Variants in TMCC1 observed in about 807,000 individuals in gnomAD.
TMCC1 encodes the protein transmembrane and coiled-coil domain family 1.
Under a neutral mutation model 52.4 loss-of-function variants are expected in TMCC1, and 15 were observed. The observed-to-expected ratio is 0.29, with a 90% CI of 0.19 to 0.44. The LOEUF (loss-of-function observed/expected upper bound fraction) is 0.44, where lower values mean the gene tolerates loss of function less well. Ranked by LOEUF, TMCC1 falls within the 20% of genes least tolerant of loss-of-function variation. TMCC1 has a pLI of 1.00. For synonymous variants in TMCC1, 279 were observed against 301.9 expected, an observed-to-expected ratio of 0.92 and a Z score of 0.79; for missense variants, 503 against 806.0, an observed-to-expected ratio of 0.62 and a Z score of 4.55.
In TMCC1 at chr3:129,872,916, A is replaced by AT. The variant is rs1359318304; in HGVS notation, c.-184+7392dup. 6.0e-3 allele frequency among the ~76,000 whole-genome samples: 863 copies of AT among 143,754 alleles called. 5 individuals are homozygous for AT. The highest frequency in any genetic ancestry group is 0.015 in the African/African-American group (605 of 39,370). The allele number at this position is 143,754 out of a possible 152,430, so 94.3% of individuals were successfully genotyped here. ...GATATATATTTTGTCTACGCATGGAATTTTTTTTTTTTTTTTTGAGATCCG... is the reference window on the plus strand; with the variant it reads ...GATATATATTTTGTCTACGCATGGAATTTTTTTTTTTTTTTTTTGAGATCCG... On this transcript the variant is annotated intron_variant, in intron 2 of 6. Transcript: ENST00000393238.
At chr3:129,769,074 A>T (rs891513729) in intron 4 of TMCC1, among the ~76,000 whole-genome samples, 2 of 152,202 alleles carry the variant, frequency 1.3e-5, no homozygotes, top group African/African-American at 4.8e-5. Context: ...GAGTAACAGG[A>T]ACTTTATAAT....
At chr3:129,661,105 C>T (rs2108861846) in intron 5 of TMCC1, among the ~76,000 whole-genome samples, 1 of 152,302 alleles carries the variant, frequency 6.6e-6, no homozygotes, top group South Asian at 2.1e-4. Context: ...GCTGAGTCTT[C>T]CCAAATAAGA....
At position 129,786,334 on chromosome 3, in the gene TMCC1, T is replaced by C. The variant is rs534102084; in HGVS notation, c.576+41469A>G. ...TAGTGATGTTGCTCCCTTCCTGCAA[T>C]ATTTTCCTCCTGTCCTTCATCTATT... is the stretch of plus-strand genomic sequence containing the variant. On this transcript the variant is annotated intron_variant, in intron 4 of 6. Transcript: ENST00000393238. 1.4e-4 allele frequency among the ~76,000 whole-genome samples: 21 copies of C among 152,280 alleles called. 1 individual carries two copies. The East Asian group carries it at 3.1e-3, about 22-fold the overall frequency.
chr3:129,701,253 A>T (rs1304096312), intron 4 of TMCC1, among the ~76,000 whole-genome samples: 1 of 152,244 alleles, frequency 6.6e-6, no homozygotes, highest in Non-Finnish European at 1.5e-5. Context: ...CTGAAAACAG[A>T]GAACAGATCT....
intron 6 of TMCC1, 50 bp downstream of exon 6, chr3:129,654,918 C>T (rs745672899): frequency 1.9e-6 from 3 of 1,573,672 alleles, no homozygotes; most frequent in South Asian, 1.2e-5. Context: ...TTCCTTTTTT[C>T]TTTCTAACCC....
intron 4 of TMCC1, among the ~76,000 whole-genome samples, chr3:129,819,365 G>C (rs983566830): frequency 4.6e-5 from 7 of 152,208 alleles, no homozygotes; most frequent in African/African-American, 1.7e-4. Flanking sequence ...TTACAGGTGT[G>C]AAGGGTTCTC....
At chr3:129,858,886 T>C (rs935842633) in intron 2 of TMCC1, among the ~76,000 whole-genome samples, 2 of 152,192 alleles carry the variant, frequency 1.3e-5, no homozygotes, top group Non-Finnish European at 2.9e-5. Context: ...TAGGCATAGG[T>C]CAAATTTAAG....
At chr3:129,667,266 T>A (rs1017046270) in intron 5 of TMCC1, among the ~76,000 whole-genome samples, 3 of 151,752 alleles carry the variant, frequency 2.0e-5, no homozygotes, top group Non-Finnish European at 4.4e-5. Flanking sequence ...TAGAAAAATT[T>A]TATTTATGTG....
intron 2 of TMCC1, among the ~76,000 whole-genome samples, chr3:129,838,092 C>T (rs1165804946): frequency 6.6e-6 from 1 of 152,176 alleles, no homozygotes; most frequent in Non-Finnish European, 1.5e-5. Flanking sequence ...TGATAAGACA[C>T]TAAACTACAG....
At chr3:129,758,455 C>G (rs987730528) in intron 4 of TMCC1, among the ~76,000 whole-genome samples, 3 of 152,154 alleles carry the variant, frequency 2.0e-5, no homozygotes, top group Non-Finnish European at 4.4e-5. Flanking sequence ...ATGACACTCC[C>G]GTAGCAATCT....
chr3:129,664,991 GA>G (rs2087339738), intron 5 of TMCC1, among the ~76,000 whole-genome samples: 1 of 152,158 alleles, frequency 6.6e-6, no homozygotes, highest in Admixed American at 6.5e-5. Context: ...GAAGTACTGT[GA>G]ACCCAGCTGC....
At chr3:129,855,248 G>A (rs867804893) in intron 2 of TMCC1, among the ~76,000 whole-genome samples, 4 of 152,160 alleles carry the variant, frequency 2.6e-5, no homozygotes, top group East Asian at 1.9e-4. Flanking sequence ...ATGTCTGATT[G>A]TAGCTTTCAT....
intron 2 of TMCC1, among the ~76,000 whole-genome samples, chr3:129,856,914 C>A (rs1023443712): frequency 6.6e-6 from 1 of 152,006 alleles, no homozygotes; most frequent in African/African-American, 2.4e-5. Context: ...AACCAGCAAA[C>A]GAGACATGGG....
At chr3:129,772,681 C>CCA (rs2054692727) in intron 4 of TMCC1, among the ~76,000 whole-genome samples, 1 of 144,990 alleles carries the variant, frequency 6.9e-6, no homozygotes, top group South Asian at 2.2e-4. Context: ...CGAGATCGTG[C>CCA]CACTGCACTC....
At chr3:129,655,254 T>G in intron 5 of TMCC1, 151 bp from the exon 6 acceptor site, 2 of 917,030 alleles carry the variant, frequency 2.2e-6, no homozygotes, top group Non-Finnish European at 3.2e-6. Context: ...CCAGTGGGTA[T>G]AGCTCTTAGT....
intron 2 of TMCC1, among the ~76,000 whole-genome samples, chr3:129,878,115 T>C (rs2061307822): frequency 6.6e-6 from 1 of 151,740 alleles, no homozygotes; most frequent in Admixed American, 6.6e-5. Context: ...CCTACCACCA[T>C]GCCTAGGTAA....
intron 2 of TMCC1, among the ~76,000 whole-genome samples, chr3:129,839,702 T>C (rs760259152): frequency 2.0e-5 from 3 of 151,820 alleles, no homozygotes; most frequent in Non-Finnish European, 4.4e-5. Flanking sequence ...CTGGGCAACA[T>C]AGTGAGACCC....
rs527984253 is a variant in TMCC1, at chr3:129,810,988, A to G, written c.576+16815T>C. Among the ~76,000 whole-genome samples, 30 of 152,354 alleles carry G rather than the reference A, an allele frequency of 2.0e-4. No individual in the cohort carries two copies. The South Asian group carries it at 5.4e-3, about 27-fold the overall frequency. On this transcript the variant is annotated intron_variant, in intron 4 of 6. Transcript: ENST00000393238. ...GGTATTCTAGTCCTATCCTATGGTA[A>G]AATGGTTATTTAAATGTGCATTTGC...
At chr3:129,686,627 G>A (rs899099094) in intron 4 of TMCC1, among the ~76,000 whole-genome samples, 7 of 152,120 alleles carry the variant, frequency 4.6e-5, no homozygotes, top group Admixed American at 3.9e-4. Context: ...TGGCTGAGTG[G>A]GGAAAAGTGG....
Sources: allele counts gnomAD v4.1 joint callset (sites outside exome capture counted in the v4.1 genomes callset), GRCh38; gene constraint gnomAD v4.1.1; transcripts MANE v1.5; gene names NCBI Gene and HGNC (gene_info 2026-07-23, HGNC 2026-07-21).